Variants in HCRTR2 observed in about 807,000 individuals in gnomAD.
HCRTR2 encodes the protein orexin receptor type 2.
Under a neutral mutation model 49.0 loss-of-function variants are expected in HCRTR2, and 22 were observed. The ratio of observed to expected loss-of-function variants is 0.45; its 90% CI spans 0.32 to 0.64. The LOEUF is 0.64. HCRTR2 is among the 30% of genes least tolerant of loss of function. HCRTR2 has a pLI of 0.04. For synonymous variants in HCRTR2, 236 were observed against 205.3 expected, an observed-to-expected ratio of 1.15 and a Z score of -1.28; for missense variants, 491 against 559.4, an observed-to-expected ratio of 0.88 and a Z score of 1.23.
At chr6:55,279,182 G>C (rs1767139334) in intron 5 of HCRTR2, among the ~76,000 whole-genome samples, 1 of 151,580 alleles carries the variant, frequency 6.6e-6, no homozygotes, top group Non-Finnish European at 1.5e-5. Flanking sequence ...TGTTTTTCTT[G>C]TTACCACACA....
chr6:55,146,230 T>C (rs946718939), intron 1 of HCRTR2, among the ~76,000 whole-genome samples: 2 of 152,162 alleles, frequency 1.3e-5, no homozygotes, highest in Non-Finnish European at 2.9e-5. Context: ...TCAATGTTTA[T>C]CTCAGAAAGG....
chr6:55,225,015 CA>C (rs1428154901), intron 1 of HCRTR2, among the ~76,000 whole-genome samples: 2 of 152,100 alleles, frequency 1.3e-5, no homozygotes, highest in African/African-American at 4.8e-5. Flanking sequence ...GTTTTTGACA[CA>C]AAAACTGATA....
chr6:55,213,353 C>A (rs1183469271), intron 1 of HCRTR2, among the ~76,000 whole-genome samples: 2 of 152,046 alleles, frequency 1.3e-5, no homozygotes, highest in Non-Finnish European at 2.9e-5. Context: ...ATTTAAATTA[C>A]CTGTCATATG....
At position 55,277,226 on chromosome 6, in the gene HCRTR2, C is replaced by T. The variant is rs185464690; in HGVS notation, c.763-154C>T. ...CGTCTGAATTAACGCCAAGCACATACTAAGGTCAGCAAATGCTCTGGAGAA... is the reference window on the plus strand; with the variant it reads ...CGTCTGAATTAACGCCAAGCACATATTAAGGTCAGCAAATGCTCTGGAGAA... On this transcript the variant is annotated intron_variant, in intron 4 of 6. Transcript: ENST00000370862. 3.3e-5 allele frequency among the ~76,000 whole-genome samples: 5 copies of T among 152,304 alleles called. No individual in the cohort carries two copies. The East Asian group carries it at 9.6e-4, about 29-fold the overall frequency.
At chr6:55,265,860 A>T (rs1470866062) in intron 4 of HCRTR2, among the ~76,000 whole-genome samples, 1 of 152,080 alleles carries the variant, frequency 6.6e-6, no homozygotes, top group African/African-American at 2.4e-5. Context: ...CATCTTCCTC[A>T]TAGGTTTGGT....
chr6:55,239,844 C>A (rs955919247), intron 1 of HCRTR2, among the ~76,000 whole-genome samples: 2 of 141,448 alleles, frequency 1.4e-5, no homozygotes, highest in Non-Finnish European at 3.0e-5. Flanking sequence ...GTGGCACGAT[C>A]TCGGCTCACT....
At chr6:55,176,872 C>T (rs373430747) in intron 1 of HCRTR2, among the ~76,000 whole-genome samples, 10 of 152,276 alleles carry the variant, frequency 6.6e-5, no homozygotes, top group African/African-American at 2.2e-4. Flanking sequence ...ATTCTCTTCA[C>T]CAAAAACCTT....
chr6:55,203,205 T>C (rs374397097), intron 1 of HCRTR2, among the ~76,000 whole-genome samples: 1 of 152,206 alleles, frequency 6.6e-6, no homozygotes, highest in South Asian at 2.1e-4. Context: ...ATAATTTCTC[T>C]GAAGGATAGA....
At chr6:55,237,038 T>G (rs2127302944) in intron 1 of HCRTR2, among the ~76,000 whole-genome samples, 1 of 152,248 alleles carries the variant, frequency 6.6e-6, no homozygotes, top group Admixed American at 6.5e-5. Context: ...TATTTTCTAT[T>G]AGTTTGTATA....
rs1764831277 is a variant in HCRTR2 at position 55,163,256 on chromosome 6, AAC to A, written c.-377-10953_-377-10952del. On this transcript the variant is annotated intron_variant, in intron 1 of 7. Transcript: ENST00000615358. ...CGTCTCAAAAAACAAACAAACAAAC[AAC>A]AAAAAAAAAAAAACTACCTTAAATT... is the stretch of plus-strand genomic sequence containing the variant. Among the ~76,000 whole-genome samples the A allele has an allele frequency of 1.8e-4, 9 of 49,016 alleles. No individual in the cohort carries two copies. The South Asian group carries it at 5.9e-3, about 32-fold the overall frequency. 32.2% of individuals were successfully genotyped at this position (49,016 alleles called of 152,430 possible). A position where few individuals can be genotyped will look rare whatever the true frequency, so the allele number is the denominator to read the frequency against.
intron 1 of HCRTR2, among the ~76,000 whole-genome samples, chr6:55,117,497 A>G (rs191287629): frequency 6.6e-6 from 1 of 151,944 alleles, no homozygotes; most frequent in African/African-American, 2.4e-5. Flanking sequence ...CATACAATGC[A>G]TAATGGTCAG....
Position 55,262,337 on chromosome 6 carries a change from A to T in HCRTR2, c.647-1370A>T, listed in dbSNP as rs540888285. On this transcript the variant is annotated intron_variant, in intron 3 of 6. Transcript: ENST00000370862. ...TATATAAATATATATTATATGTTATATATAATATTATATATAAATATATAA... is the reference window on the plus strand; with the variant it reads ...TATATAAATATATATTATATGTTATTTATAATATTATATATAAATATATAA... Among the ~76,000 whole-genome samples, 514 of 142,250 alleles carry T rather than the reference A, an allele frequency of 3.6e-3. 4 individuals are homozygous for T. The highest frequency in any genetic ancestry group is 0.012 in the African/African-American group (472 of 38,630). 93.3% of individuals were successfully genotyped at this position (142,250 alleles called of 152,430 possible). A position where few individuals can be genotyped will look rare whatever the true frequency, so the allele number is the denominator to read the frequency against.
intron 1 of HCRTR2, among the ~76,000 whole-genome samples, chr6:55,200,968 G>C (rs1390231772): frequency 2.0e-5 from 3 of 151,938 alleles, no homozygotes; most frequent in African/African-American, 7.3e-5. Context: ...TTTCCTATCA[G>C]AGAATGCAAT....
downstream of HCRTR2, among the ~76,000 whole-genome samples, chr6:55,284,591 A>G (rs1386417630): frequency 1.3e-5 from 2 of 152,106 alleles, no homozygotes; most frequent in African/African-American, 4.8e-5. Context: ...GGCCACCATC[A>G]TCGCTACCGT....
intron 3 of HCRTR2, among the ~76,000 whole-genome samples, chr6:55,256,454 A>T (rs1415534760): frequency 6.6e-6 from 1 of 152,162 alleles, no homozygotes; most frequent in Non-Finnish European, 1.5e-5. Context: ...TATATTAGGC[A>T]TATACTACAG....
chr6:55,231,924 A>T (rs1054806574), intron 1 of HCRTR2, among the ~76,000 whole-genome samples: 1 of 152,050 alleles, frequency 6.6e-6, no homozygotes, highest in Non-Finnish European at 1.5e-5. Context: ...GAAAACTCAT[A>T]ATCTCCTCAT....
At chr6:55,277,305 G>A in intron 4 of HCRTR2, 75 bp from the exon 5 acceptor site, 1 of 1,272,592 alleles carries the variant, frequency 7.9e-7, no homozygotes, top group East Asian at 2.3e-5. Context: ...TCCTTACTGT[G>A]TTTTCTAATT....
chr6:55,272,140 C>T (rs991000431), intron 4 of HCRTR2, among the ~76,000 whole-genome samples: 3 of 152,024 alleles, frequency 2.0e-5, no homozygotes, highest in African/African-American at 7.2e-5. Context: ...TGGAATAACT[C>T]ATTGTTCTAT....
chr6:55,223,327 C>G (rs1190866732), intron 1 of HCRTR2, among the ~76,000 whole-genome samples: 1 of 152,178 alleles, frequency 6.6e-6, no homozygotes, highest in African/African-American at 2.4e-5. Context: ...TAGGCCCTTA[C>G]TTACCTTTCA....
Sources: allele counts gnomAD v4.1 joint callset (sites outside exome capture counted in the v4.1 genomes callset), GRCh38; gene constraint gnomAD v4.1.1; transcripts MANE v1.5; gene names NCBI Gene and HGNC (gene_info 2026-07-23, HGNC 2026-07-21).